The following SRBD1 variants were observed in gnomAD, a reference collection of about 807,000 sequenced individuals.
SRBD1 encodes the protein S1 RNA-binding domain-containing protein 1.
A neutral mutation model predicts 115.3 loss-of-function variants in SRBD1; 88 were observed. That is an observed-to-expected ratio of 0.76 (90% CI 0.64 to 0.91). The LOEUF (loss-of-function observed/expected upper bound fraction) is 0.91. Among genes scored for constraint, SRBD1 ranks in the 40% least tolerant of loss-of-function variants. The pLI, the probability that SRBD1 is intolerant of heterozygous loss-of-function variation, is 0.00. For missense variants in SRBD1, 1,385 were observed against 1,177.4 expected (o/e 1.18, Z -2.58); for synonymous variants, 509 against 407.7 (o/e 1.25, Z -2.99).
chr2:45,600,141 G>C (rs1186068133), intron 3 of SRBD1, among the ~76,000 whole-genome samples: 1 of 152,162 alleles, frequency 6.6e-6, no homozygotes, highest in African/African-American at 2.4e-5. Flanking sequence ...TGTCATGGTA[G>C]ATACACAAAC....
rs112403828 is a variant in SRBD1, at chr2:45,394,619, G to C, written c.2514-1490C>G. ...TTTTAAGTCTTTTTTGCATTGTTGT[G>C]TTCAACCAGAAAGGTCTCTTCACAG... On this transcript the variant is annotated intron_variant, in intron 19 of 20. Transcript: ENST00000263736. 2.9e-3 allele frequency among the ~76,000 whole-genome samples: 449 copies of C among 152,258 alleles called. 2 individuals carry two copies. Among genetic ancestry groups the C allele is most frequent in the African/African-American group, 0.01 (422 of 41,544 alleles).
intron 16 of SRBD1, among the ~76,000 whole-genome samples, chr2:45,435,893 T>A (rs1484088477): frequency 2.0e-5 from 3 of 152,194 alleles, no homozygotes; most frequent in African/African-American, 7.2e-5. Context: ...GCGGAGGGAA[T>A]ACTTCCTAAA....
chr2:45,448,733 C>T (rs1668903271), intron 16 of SRBD1, among the ~76,000 whole-genome samples: 1 of 152,094 alleles, frequency 6.6e-6, no homozygotes, highest in African/African-American at 2.4e-5. Flanking sequence ...CTGAAGCTAC[C>T]CTGAAAGAAA....
intron 1 of SRBD1, 55 bp from the exon 2 acceptor site, chr2:45,605,496 T>G (rs1313422488): frequency 1.3e-6 from 2 of 1,525,706 alleles, no homozygotes; most frequent in Non-Finnish European, 1.8e-6. Context: ...ATCACTTTAT[T>G]TGGCTACAAG....
chr2:45,488,622 C>T (rs1369177721), intron 14 of SRBD1, among the ~76,000 whole-genome samples: 1 of 152,138 alleles, frequency 6.6e-6, no homozygotes, highest in Non-Finnish European at 1.5e-5. Flanking sequence ...TAGATTAATA[C>T]AATGAATACT....
intron 19 of SRBD1, among the ~76,000 whole-genome samples, chr2:45,401,529 C>T (rs570292719): frequency 2.6e-5 from 4 of 152,308 alleles, no homozygotes; most frequent in Non-Finnish European, 5.9e-5. Context: ...CAGAAAACTT[C>T]GGGCTTTTTC....
intron 16 of SRBD1, among the ~76,000 whole-genome samples, chr2:45,466,431 CA>C (rs934833127): frequency 1.7e-4 from 26 of 152,278 alleles, no homozygotes; most frequent in Admixed American, 7.9e-4. Context: ...CTCCCAGTGA[CA>C]TTCAACACAT....
intron 15 of SRBD1, among the ~76,000 whole-genome samples, chr2:45,479,826 A>C (rs889235899): frequency 6.6e-6 from 1 of 152,220 alleles, no homozygotes; most frequent in African/African-American, 2.4e-5. Flanking sequence ...TCATAGCTAG[A>C]GAGGAGAAGT....
chr2:45,577,280 A>G (rs1326313538), intron 7 of SRBD1, among the ~76,000 whole-genome samples: 1 of 152,220 alleles, frequency 6.6e-6, no homozygotes, highest in Non-Finnish European at 1.5e-5. Context: ...TCCTTTCCCA[A>G]TCAAAGGGAA....
chr2:45,559,199 A>G (rs1358822488), intron 10 of SRBD1, among the ~76,000 whole-genome samples: 1 of 152,134 alleles, frequency 6.6e-6, no homozygotes. Flanking sequence ...ATAATTATCT[A>G]CACTGTGGCC....
intron 9 of SRBD1, among the ~76,000 whole-genome samples, chr2:45,563,949 T>A (rs576651609): frequency 6.6e-6 from 1 of 152,172 alleles, no homozygotes; most frequent in African/African-American, 2.4e-5. Context: ...TATATTTCTA[T>A]GAGGCCAGTA....
intron 4 of SRBD1, among the ~76,000 whole-genome samples, chr2:45,589,626 C>G (rs1312088445): frequency 6.6e-6 from 1 of 152,186 alleles, no homozygotes; most frequent in East Asian, 1.9e-4. Context: ...TAGGTCCTAA[C>G]AAATCCATAT....
chr2:45,566,639 G>T (rs531075732), intron 9 of SRBD1, among the ~76,000 whole-genome samples: 1 of 152,294 alleles, frequency 6.6e-6, no homozygotes, highest in African/African-American at 2.4e-5. Flanking sequence ...AACTTACAAA[G>T]TTCTAATGGT....
rs58100763 is a variant in SRBD1 at position 45,571,517 on chromosome 2, C to CAAAAAAAAAAAAAAAAAAAA, written c.1305+1670_1305+1689dup. ...AAAATACAACATATCCAGACTTTACCAAAAAAAAAAAAAAAAAAAAAAAAA... is the reference window on the plus strand; with the variant it reads ...AAAATACAACATATCCAGACTTTACCAAAAAAAAAAAAAAAAAAAAAAAAAAAAAAAAAAAAAAAAAAAAA... On this transcript the variant is annotated intron_variant, in intron 9 of 20. Transcript: ENST00000263736. Among the ~76,000 whole-genome samples the CAAAAAAAAAAAAAAAAAAAA allele has an allele frequency of 1.7e-3, 66 of 39,400 alleles. 3 individuals are homozygous for CAAAAAAAAAAAAAAAAAAAA. The highest frequency in any genetic ancestry group is 2.8e-3 in the East Asian group (3 of 1,066). The allele number at this position is 39,400 out of a possible 152,430, so 25.8% of individuals were successfully genotyped here.
chr2:45,407,104 G>A (rs1489588814), intron 19 of SRBD1, among the ~76,000 whole-genome samples: 1 of 152,132 alleles, frequency 6.6e-6, no homozygotes, highest in African/African-American at 2.4e-5. Flanking sequence ...AGTCAGCTTA[G>A]GCAATTTACT....
At chr2:45,500,941 T>C (rs567424525) in intron 14 of SRBD1, among the ~76,000 whole-genome samples, 1 of 152,296 alleles carries the variant, frequency 6.6e-6, no homozygotes, top group African/African-American at 2.4e-5. Flanking sequence ...AGTGGGAAAG[T>C]AGGCATACTT....
At chr2:45,581,630 A>C in intron 6 of SRBD1, 63 bp downstream of exon 6, 1 of 1,264,922 alleles carries the variant, frequency 7.9e-7, no homozygotes, top group Non-Finnish European at 1.1e-6. Flanking sequence ...TTCTTTAATC[A>C]TAAGAAGACC....
intron 16 of SRBD1, among the ~76,000 whole-genome samples, chr2:45,432,380 G>C (rs545623148): frequency 4.6e-5 from 7 of 152,106 alleles, no homozygotes; most frequent in Non-Finnish European, 1.0e-4. Context: ...AAGGAATACT[G>C]AACAAAATCC....
intron 5 of SRBD1, among the ~76,000 whole-genome samples, chr2:45,583,361 G>A (rs892305645): frequency 2.6e-5 from 4 of 152,118 alleles, no homozygotes; most frequent in Non-Finnish European, 5.9e-5. Flanking sequence ...AGCCTACCAG[G>A]TCATTTTAAC....
Sources: gnomAD v4.1 joint callset for allele counts (sites outside exome capture counted in the v4.1 genomes callset) on GRCh38, gnomAD v4.1.1 for gene constraint, MANE v1.5 for transcripts, NCBI Gene and HGNC (gene_info 2026-07-23, HGNC 2026-07-21) for gene names.